Variants in CDK13 observed in about 807,000 individuals in gnomAD.
CDK13 encodes the protein cyclin-dependent kinase 13.
A neutral mutation model predicts 137.6 loss-of-function variants in CDK13; 40 were observed. The ratio of observed to expected loss-of-function variants is 0.29; its 90% CI spans 0.23 to 0.38. The LOEUF is 0.38. Among genes scored for constraint, CDK13 ranks in the 10% least tolerant of loss-of-function variants. The probability of loss-of-function intolerance (pLI) is 1.00; values close to 1 mark genes in which losing one functional copy is unlikely to be tolerated. For synonymous variants in CDK13, 869 were observed against 760.1 expected, an observed-to-expected ratio of 1.14 and a Z score of -2.36; for missense variants, 1,704 against 1,951.8, an observed-to-expected ratio of 0.87 and a Z score of 2.39.
At chr7:39,991,197 G>T (rs1784447921) in intron 2 of CDK13, among the ~76,000 whole-genome samples, 2 of 151,758 alleles carry the variant, frequency 1.3e-5, no homozygotes, top group South Asian at 4.2e-4. Flanking sequence ...TTTGTTTTTT[G>T]CTGAACAGCT....
chr7:39,953,809 T>C (rs905101261), intron 1 of CDK13, among the ~76,000 whole-genome samples: 12 of 152,316 alleles, frequency 7.9e-5, no homozygotes, highest in South Asian at 4.1e-4. Flanking sequence ...CCATTTGGTA[T>C]GTGCCTGAAA....
chr7:39,990,250 C>G (rs1354680695), intron 2 of CDK13, among the ~76,000 whole-genome samples: 1 of 151,316 alleles, frequency 6.6e-6, no homozygotes, highest in African/African-American at 2.4e-5. Context: ...TTTGATTCAC[C>G]TTTTCTGTCT....
intron 1 of CDK13, among the ~76,000 whole-genome samples, chr7:39,977,589 A>G (rs1053341117): frequency 6.6e-6 from 1 of 152,224 alleles, no homozygotes; most frequent in Non-Finnish European, 1.5e-5. Flanking sequence ...TGTTTCCTAC[A>G]TAAAGGAGGT....
intron 12 of CDK13, among the ~76,000 whole-genome samples, chr7:40,091,408 C>T (rs1209847490): frequency 6.6e-6 from 1 of 152,010 alleles, no homozygotes; most frequent in Non-Finnish European, 1.5e-5. Flanking sequence ...GTAATCCCAG[C>T]TCCTAGTGGG....
chr7:39,981,268 G>A (rs1380707514), intron 1 of CDK13, among the ~76,000 whole-genome samples: 3 of 151,966 alleles, frequency 2.0e-5, no homozygotes, highest in Admixed American at 2.0e-4. Context: ...CTTTTGGGGG[G>A]TGGAGGTGGG....
rs192603136 is a variant in CDK13, at chr7:40,018,006, C to T, written c.2353+15975C>T. ...TGTATGTCCTGCCACCATATTATATCGCTTTAATTATCACCACCCTATAGC... is the reference window on the plus strand; with the variant it reads ...TGTATGTCCTGCCACCATATTATATTGCTTTAATTATCACCACCCTATAGC... On this transcript the variant is annotated intron_variant, in intron 5 of 13. Transcript: ENST00000181839. Among the ~76,000 whole-genome samples, 31 of 150,676 alleles carry T rather than the reference C, an allele frequency of 2.1e-4. No homozygotes were observed. The East Asian group carries it at 3.9e-3, about 19-fold the overall frequency.
intron 1 of CDK13, among the ~76,000 whole-genome samples, chr7:39,958,802 A>G (rs948745108): frequency 2.6e-5 from 4 of 152,162 alleles, no homozygotes; most frequent in South Asian, 2.1e-4. Flanking sequence ...TTTTGAGGCA[A>G]AGGTGGTATA....
intron 1 of CDK13, among the ~76,000 whole-genome samples, chr7:39,955,182 A>AG (rs1166839629): frequency 6.6e-6 from 1 of 151,986 alleles, no homozygotes; most frequent in East Asian, 1.9e-4. Context: ...AAAAGAGGGG[A>AG]GGGTACCGTT....
Position 39,951,378 on chromosome 7 carries a change from C to G in CDK13, c.737C>G (p.Ala246Gly), listed in dbSNP as rs2116062924. 1.3e-6 allele frequency: 2 copies of G among 1,520,086 alleles called. No homozygotes were observed. The highest frequency in any genetic ancestry group is 1.8e-6 in the Non-Finnish European group (2 of 1,138,260). 94.2% of individuals were successfully genotyped at this position (1,520,086 alleles called of 1,614,324 possible). Residue 246 changes from alanine to glycine, a missense_variant, in exon 1 of 14, where the codon GCC becomes GGC. By Grantham distance (60) the Ala-to-Gly change is moderately conservative. This residue lies in a region of CDK13 where 1,051 missense variants were observed against 931.0 expected (regional missense o/e 1.13). Coordinates refer to ENST00000181839, the MANE Select transcript of CDK13 (RefSeq NM_003718.5). ...AGCGGCGAGGAACGGGCCGAGGTCG[C>G]CAAGAGCGGCAGCAGCAGCAGCAGC... is the stretch of plus-strand genomic sequence containing the variant. ...SHSGEERAEV[A>G]KSGSSSSSGG...
chr7:40,020,886 A>G (rs984603067), intron 5 of CDK13, among the ~76,000 whole-genome samples: 1 of 151,714 alleles, frequency 6.6e-6, no homozygotes, highest in Non-Finnish European at 1.5e-5. Context: ...AGGTCAAGAG[A>G]TGGAGACCAT....
intron 2 of CDK13, among the ~76,000 whole-genome samples, chr7:39,996,961 C>CAAAAAAAAAAAAAAAAAAAAAAAAAAAAA (rs72210233): frequency 3.6e-5 from 3 of 83,252 alleles, no homozygotes; most frequent in African/African-American, 2.4e-4. Context: ...GATTCCATCT[C>CAAAAAAAAAAAAAAAAAAAAAAAAAAAAA]AAAAAAAAAA....
intron 12 of CDK13, among the ~76,000 whole-genome samples, chr7:40,089,715 A>AGTGT (rs1273495355): frequency 1.4e-5 from 2 of 143,570 alleles, no homozygotes; most frequent in African/African-American, 5.6e-5. Flanking sequence ...AGAGAGAGAG[A>AGTGT]GAGAGAGAGT....
intron 7 of CDK13, among the ~76,000 whole-genome samples, chr7:40,051,039 G>GGT (rs1410389974): frequency 3.3e-5 from 5 of 152,090 alleles, no homozygotes; most frequent in African/African-American, 1.2e-4. Context: ...GCCGGGGTGT[G>GGT]GTGTGTTCAC....
chr7:39,997,620 G>A lies in CDK13; in HGVS notation c.1998G>A (p.Glu666=). Residue 666 remains glutamate (E), a synonymous_variant, in exon 3 of 14, where the codon GAG becomes GAA. Transcript: ENST00000181839. The part of the protein sequence containing the change: ...PGGDDLSKSP[E]EKKTATQLHS... ...GAGATGATCTTTCAAAGAGTCCAGAGGAAAAGAAAACAGCAACACAGTTAC... is the reference window on the plus strand; with the variant it reads ...GAGATGATCTTTCAAAGAGTCCAGAAGAAAAGAAAACAGCAACACAGTTAC... 6.2e-7 allele frequency: 1 copy of A among 1,613,658 alleles called. No homozygotes were observed.
chr7:40,088,264 C>T lies in CDK13; in HGVS notation c.3168C>T (p.Thr1056=). The change falls in exon 12 of 14, where the codon ACC becomes ACT. Residue 1056 remains threonine, a synonymous_variant. Transcript: ENST00000181839. The stretch of plus-strand genomic sequence containing the variant: ...CTCTGGGCTTGGATGACAGCAGAAC[C>T]AACACACCCCAGGGTGTGCTGCCAT... The part of the protein sequence containing the change: ...DLSLGLDDSR[T]NTPQGVLPSS... 2 of 1,614,120 alleles carry T rather than the reference C, an allele frequency of 1.2e-6. No homozygotes were observed. The highest frequency in any genetic ancestry group is 1.7e-6 in the Non-Finnish European group (2 of 1,180,012).
intron 5 of CDK13, among the ~76,000 whole-genome samples, chr7:40,021,261 C>G (rs980014803): frequency 6.6e-6 from 1 of 152,110 alleles, no homozygotes; most frequent in Non-Finnish European, 1.5e-5. Flanking sequence ...CTTTGGGAGG[C>G]TGAGGCGGGT....
At chr7:39,958,578 G>GTA (rs1254486244) in intron 1 of CDK13, among the ~76,000 whole-genome samples, 1 of 152,116 alleles carries the variant, frequency 6.6e-6, no homozygotes, top group Admixed American at 6.5e-5. Flanking sequence ...ATGCTGTCTT[G>GTA]TAGCCTGTAC....
At chr7:39,998,203 C>CTTTTTTTT (rs570146829) in intron 3 of CDK13, 5 of 131,618 alleles carry the variant, frequency 3.8e-5, no homozygotes, top group African/African-American at 5.5e-5. Flanking sequence ...ACACTGGTGC[C>CTTTTTTTT]TTTTTTTTTT....
chr7:39,995,975 A>C (rs564795480), intron 2 of CDK13, among the ~76,000 whole-genome samples: 1 of 152,210 alleles, frequency 6.6e-6, no homozygotes, highest in Non-Finnish European at 1.5e-5. Flanking sequence ...ATGCCACTGC[A>C]CTCCAGCCTG....
Sources: allele counts gnomAD v4.1 joint callset (sites outside exome capture counted in the v4.1 genomes callset), GRCh38; gene constraint gnomAD v4.1.1; regional missense constraint gnomAD v4.1.1; transcripts MANE v1.5; gene names NCBI Gene and HGNC (gene_info 2026-07-23, HGNC 2026-07-21).